Variants in PANX2 observed in about 807,000 individuals in gnomAD.
PANX2 encodes pannexin-2.
PANX2 carries 30 observed loss-of-function variants against 38.7 expected under a neutral mutation model. The ratio of observed to expected loss-of-function variants is 0.78; its 90% CI spans 0.58 to 1.05. The LOEUF (loss-of-function observed/expected upper bound fraction) is 1.05, where lower values mean the gene tolerates loss of function less well. Ranked by LOEUF, PANX2 falls within the 50% of genes least tolerant of loss-of-function variation. PANX2 has a pLI of 0.00. For synonymous variants in PANX2, 539 were observed against 472.1 expected (o/e 1.14, Z -1.84); for missense variants, 880 against 979.3 (o/e 0.90, Z 1.35).
chr22:50,178,735 C>T (rs1393197736), intron 2 of PANX2, among the ~76,000 whole-genome samples, 199 bp from the exon 3 acceptor site: 3 of 152,186 alleles, frequency 2.0e-5, no homozygotes. Context: ...GAAATTCCAC[C>T]GACGGCACTG....
In PANX2 at chr22:50,170,891, T is replaced by C; in HGVS notation, c.161T>C (p.Val54Ala). Reference protein sequence around the residue: ...LKLELPFDRVVTIGTVLVPIL... With the variant: ...LKLELPFDRVATIGTVLVPIL... ...CTGGAGCTGCCGTTCGACCGGGTGG[T>C]CACCATCGGCACCGTGCTGGTGCCC... Residue 54 changes from valine (V) to alanine (A), a missense_variant, in exon 1 of 3, where the codon GTC (valine) becomes GCC (alanine). Val to Ala is a moderately conservative substitution (Grantham distance 64, BLOSUM62 0). Coordinates refer to ENST00000395842, the MANE Select transcript of PANX2 (RefSeq NM_052839.4). The C allele has an allele frequency of 6.6e-7, 1 of 1,520,052 alleles. No homozygotes were observed. 94.2% of individuals were successfully genotyped at this position (1,520,052 alleles called of 1,614,324 possible).
At chr22:50,176,003 G>C (rs1248835824) in intron 1 of PANX2, among the ~76,000 whole-genome samples, 1 of 152,256 alleles carries the variant, frequency 6.6e-6, no homozygotes. Context: ...CTGCTCTTTG[G>C]GGCTGGGAGA....
rs1347651458 is a variant in PANX2, at chr22:50,179,318, T to C, written c.*41T>C. 1 of 1,561,862 alleles carries C rather than the reference T, an allele frequency of 6.4e-7. No individual in the cohort carries two copies. The highest frequency in any genetic ancestry group is 8.8e-7 in the Non-Finnish European group (1 of 1,142,730). On this transcript the variant is annotated 3_prime_UTR_variant, in exon 3 of 3. Coordinates refer to ENST00000395842, the MANE Select transcript of PANX2 (RefSeq NM_052839.4). The stretch of plus-strand genomic sequence containing the variant: ...AGGCCGCCGAGAGCCCCTCTGCCTG[T>C]GTCGTGTGGCCTGGCCAGCCTCCCG...
chr22:50,176,265 T>A (rs932233735), intron 1 of PANX2, among the ~76,000 whole-genome samples: 1 of 152,258 alleles, frequency 6.6e-6, no homozygotes, highest in Non-Finnish European at 1.5e-5. Context: ...AACGACCATT[T>A]GCCTGCAGTT....
chr22:50,178,210 G>A lies in PANX2; in HGVS notation c.1498G>A (p.Ala500Thr). The A allele has an allele frequency of 1.2e-6, 1 of 837,070 alleles. No homozygotes were observed. Among genetic ancestry groups the A allele is most frequent in the Non-Finnish European group, 1.6e-6 (1 of 611,552 alleles). 51.9% of individuals were successfully genotyped at this position (837,070 alleles called of 1,614,324 possible). A position where few individuals can be genotyped will look rare whatever the true frequency, so the allele number is the denominator to read the frequency against. Reference sequence around the variant, plus strand: ...GGGCCCCGGCCCCGCCCCTGCCCCCGCCCCGCCGCCCGCCCCTGACAAGAA... The same window carrying A: ...GGGCCCCGGCCCCGCCCCTGCCCCCACCCCGCCGCCCGCCCCTGACAAGAA... ...DPGPGPAPAP[A>T]PPPAPDKKHA... Residue 500 changes from alanine to threonine, a missense_variant, in exon 2 of 3, where the codon GCC becomes ACC. This residue lies in a region of PANX2 where 445 missense variants were observed against 404.3 expected (regional missense o/e 1.10). Coordinates refer to ENST00000395842, the MANE Select transcript of PANX2 (RefSeq NM_052839.4).
intron 1 of PANX2, 44 bp from the exon 2 acceptor site, chr22:50,176,895 C>T (rs1281103026): frequency 9.5e-6 from 14 of 1,477,326 alleles, no homozygotes; most frequent in African/African-American, 2.8e-5. Flanking sequence ...CAGCCCAGCC[C>T]GTGCGCCTCC....
chr22:50,172,169 T>G (rs118178636), intron 1 of PANX2, among the ~76,000 whole-genome samples: 1,790 of 152,306 alleles, frequency 0.012, 17 homozygotes, highest in Non-Finnish European at 0.02. Context: ...ACACCACGTG[T>G]GTTCTCTGTG....
In PANX2 at chr22:50,179,172, C is replaced by T; in HGVS notation, c.1929C>T (p.Arg643=). Residue 643 remains arginine, a synonymous_variant, in exon 3 of 3, where the codon CGC becomes CGT. Coordinates refer to ENST00000395842, the MANE Select transcript of PANX2 (RefSeq NM_052839.4). The part of the protein sequence containing the change: ...EAREEEDGGP[R]LPQDVGDLIA... ...GGGAGGAGGAGGACGGGGGCCCCCG[C>T]CTGCCGCAGGACGTGGGGGACCTCA... 1 of 1,612,602 alleles carries T rather than the reference C, an allele frequency of 6.2e-7. No homozygotes were observed. The highest frequency in any genetic ancestry group is 8.5e-7 in the Non-Finnish European group (1 of 1,179,882).
At chr22:50,176,782 G>T (rs1359327777) in intron 1 of PANX2, among the ~76,000 whole-genome samples, 157 bp from the exon 2 acceptor site, 1 of 152,158 alleles carries the variant, frequency 6.6e-6, no homozygotes, top group Non-Finnish European at 1.5e-5. Flanking sequence ...GGGGGGAGGG[G>T]GTGGGGTTCA....
chr22:50,174,269 G>T (rs181487657), intron 1 of PANX2, among the ~76,000 whole-genome samples: 20 of 151,148 alleles, frequency 1.3e-4, no homozygotes, highest in African/African-American at 4.9e-4. Context: ...GCACCTTGGG[G>T]CCATGTGCAG....
chr22:50,172,031 TCTC>T (rs1458011604), intron 1 of PANX2, among the ~76,000 whole-genome samples: 1 of 151,968 alleles, frequency 6.6e-6, no homozygotes, highest in Non-Finnish European at 1.5e-5. Context: ...CCTCTGCTGG[TCTC>T]CTCTTCGACA....
chr22:50,172,266 C>T (rs985427824), intron 1 of PANX2, among the ~76,000 whole-genome samples: 1 of 152,196 alleles, frequency 6.6e-6, no homozygotes, highest in African/African-American at 2.4e-5. Context: ...AGTCCAAAAT[C>T]GAGGTGTCGG....
In PANX2 at chr22:50,176,120, A is replaced by G. The variant is rs138194734; in HGVS notation, c.227-819A>G. The stretch of plus-strand genomic sequence containing the variant: ...CCCCAGGCTCTGAGCCTTCCTGGGA[A>G]ACGTTAGCAAGATCCCAGCCGCTCA... On this transcript the variant is annotated intron_variant, in intron 1 of 2. Transcript: ENST00000395842. 7.6e-3 allele frequency among the ~76,000 whole-genome samples: 1,163 copies of G among 152,314 alleles called. 7 individuals are homozygous for G. The highest frequency in any genetic ancestry group is 0.014 in the Middle Eastern group (4 of 294).
chr22:50,176,235 G>A (rs2063660555), intron 1 of PANX2, among the ~76,000 whole-genome samples: 1 of 152,250 alleles, frequency 6.6e-6, no homozygotes, highest in Non-Finnish European at 1.5e-5. Flanking sequence ...AGACTCTTGA[G>A]GGAAAACACA....
intron 1 of PANX2, among the ~76,000 whole-genome samples, chr22:50,173,505 T>C (rs1297857320): frequency 6.6e-6 from 1 of 152,234 alleles, no homozygotes; most frequent in African/African-American, 2.4e-5. Flanking sequence ...AGCTGCTGTC[T>C]CAGGATGCAG....
intron 1 of PANX2, among the ~76,000 whole-genome samples, chr22:50,176,450 G>C (rs988861527): frequency 5.3e-5 from 8 of 152,164 alleles, no homozygotes; most frequent in Non-Finnish European, 8.8e-5. Flanking sequence ...TGCCTTCCCG[G>C]TGCTGTGGAA....
At chr22:50,173,131 C>T (rs1305958217) in intron 1 of PANX2, among the ~76,000 whole-genome samples, 3 of 151,158 alleles carry the variant, frequency 2.0e-5, no homozygotes, top group East Asian at 2.0e-4. Flanking sequence ...CTCCTGACCT[C>T]GTGATCCGCC....
chr22:50,179,262 T>C lies in PANX2; in HGVS notation c.2019T>C (p.Ser673=), dbSNP rs149197648. 13 of 1,612,340 alleles carry C rather than the reference T, an allele frequency of 8.1e-6. No homozygotes were observed. In the Admixed American group the frequency reaches 1.5e-4, roughly 19 times the overall value. The change falls in exon 3 of 3, where the codon AGT becomes AGC. Residue 673 remains serine (S), a synonymous_variant. Coordinates refer to ENST00000395842, the MANE Select transcript of PANX2 (RefSeq NM_052839.4). ...ATFDEPRTVV[S]TVEF Reference sequence around the variant, plus strand: ...TCGACGAGCCGAGAACGGTCGTGAGTACTGTGGAGTTTTGAGGGATGGCAC... The same window carrying C: ...TCGACGAGCCGAGAACGGTCGTGAGCACTGTGGAGTTTTGAGGGATGGCAC...
chr22:50,178,482 T>G, intron 2 of PANX2, 80 bp downstream of exon 2: 11 of 891,858 alleles, frequency 1.2e-5, no homozygotes, highest in Non-Finnish European at 9.3e-6. Flanking sequence ...CACGGGAGCC[T>G]GGCCAGGGCG....
Sources: allele counts gnomAD v4.1 joint callset (sites outside exome capture counted in the v4.1 genomes callset), GRCh38; gene constraint gnomAD v4.1.1; regional missense constraint gnomAD v4.1.1; transcripts MANE v1.5; gene names NCBI Gene and HGNC (gene_info 2026-07-23, HGNC 2026-07-21).